RAB11FIP2: variants seen among roughly 807,000 people sequenced by gnomAD.
RAB11FIP2 encodes the protein RAB11 family interacting protein 2.
RAB11FIP2 carries 16 observed loss-of-function variants against 40.9 expected under a neutral mutation model. The ratio of observed to expected loss-of-function variants is 0.39; its 90% CI spans 0.26 to 0.59. The LOEUF is 0.59. Among genes scored for constraint, RAB11FIP2 ranks in the 20% least tolerant of loss-of-function variants. RAB11FIP2 has a pLI of 0.53. For synonymous variants in RAB11FIP2, 228 were observed against 213.7 expected, an observed-to-expected ratio of 1.07 and a Z score of -0.58; for missense variants, 532 against 606.2, an observed-to-expected ratio of 0.88 and a Z score of 1.28.
chr10:118,035,121 G>T (rs1846465181), intron 3 of RAB11FIP2, among the ~76,000 whole-genome samples: 1 of 152,122 alleles, frequency 6.6e-6, no homozygotes, highest in Admixed American at 6.6e-5. Context: ...TGTGTTAAAT[G>T]GTGGCATCAC....
chr10:118,008,879 T>A lies in RAB11FIP2; in HGVS notation c.*119A>T. The A allele has an allele frequency of 1.2e-6, 1 of 801,690 alleles. No individual in the cohort carries two copies. Among genetic ancestry groups the A allele is most frequent in the African/African-American group, 1.7e-5 (1 of 58,238 alleles). 49.7% of individuals were successfully genotyped at this position (801,690 alleles called of 1,614,324 possible). ...TTACAGGTAAAACTACTCTTCACAATAAAGGAGAATATGTAATGAAACCTG... is the reference window on the plus strand; with the variant it reads ...TTACAGGTAAAACTACTCTTCACAAAAAAGGAGAATATGTAATGAAACCTG... On this transcript the variant is annotated 3_prime_UTR_variant, in exon 5 of 5. Transcript: ENST00000355624.
At chr10:118,025,954 T>A (rs938149225) in intron 3 of RAB11FIP2, among the ~76,000 whole-genome samples, 2 of 152,218 alleles carry the variant, frequency 1.3e-5, no homozygotes. Flanking sequence ...GGACAATTAA[T>A]TACACATTCT....
chr10:118,033,878 A>T (rs1317414583), intron 3 of RAB11FIP2: 9 of 681,636 alleles, frequency 1.3e-5, no homozygotes, highest in Non-Finnish European at 2.4e-5. Flanking sequence ...AAATCTCAGT[A>T]ACTTATATCC....
chr10:118,031,078 T>G (rs1846407863), intron 3 of RAB11FIP2, among the ~76,000 whole-genome samples: 1 of 152,144 alleles, frequency 6.6e-6, no homozygotes. Context: ...GTCTCATAAA[T>G]GAAGCCACAA....
intron 3 of RAB11FIP2, chr10:118,017,828 T>A (rs1450880874): frequency 6.6e-6 from 1 of 152,162 alleles, no homozygotes; most frequent in Non-Finnish European, 1.5e-5. Context: ...TTATACTTAT[T>A]GCAATAAGGG....
intron 3 of RAB11FIP2, chr10:118,034,139 T>A: frequency 5.9e-6 from 4 of 674,534 alleles, no homozygotes; most frequent in Non-Finnish European, 1.1e-5. Flanking sequence ...ATGACGATAA[T>A]GCGGCTGTGT....
intron 4 of RAB11FIP2, 65 bp downstream of exon 4, chr10:118,015,000 A>C: frequency 7.2e-7 from 1 of 1,393,238 alleles, no homozygotes; most frequent in Non-Finnish European, 1.0e-6. Context: ...CATTTTTAGA[A>C]ATGTGTGCCA....
chr10:118,013,004 C>T (rs939226010), intron 4 of RAB11FIP2, among the ~76,000 whole-genome samples: 4 of 152,000 alleles, frequency 2.6e-5, no homozygotes, highest in Non-Finnish European at 5.9e-5. Flanking sequence ...TTAAATAATA[C>T]AGTTTTGCAT....
At chr10:118,009,851 C>T (rs1268075431) in intron 4 of RAB11FIP2, among the ~76,000 whole-genome samples, 4 of 152,066 alleles carry the variant, frequency 2.6e-5, no homozygotes, top group Admixed American at 6.6e-5. Context: ...TTTCTTTCTC[C>T]TATAATAATA....
chr10:118,005,591 A>C lies in RAB11FIP2; in HGVS notation c.*3407T>G, dbSNP rs969318018. 2.0e-5 allele frequency: 3 copies of C among 152,238 alleles called. No homozygotes were observed. The highest frequency in any genetic ancestry group is 7.2e-5 in the African/African-American group (3 of 41,440). The allele number at this position is 152,238 out of a possible 1,614,324, so 9.4% of individuals were successfully genotyped here. A position where few individuals can be genotyped will look rare whatever the true frequency, so the allele number is the denominator to read the frequency against. On this transcript the variant is annotated 3_prime_UTR_variant, in exon 5 of 5. Coordinates refer to ENST00000355624, the MANE Select transcript of RAB11FIP2 (RefSeq NM_014904.3). ...CATCATACTTCACTTACACATACAC[A>C]CAAGTGACACCTACCACCTACAAGA... is the stretch of plus-strand genomic sequence containing the variant.
At chr10:118,011,391 G>GCACA (rs58953157) in intron 4 of RAB11FIP2, among the ~76,000 whole-genome samples, 2 of 149,852 alleles carry the variant, frequency 1.3e-5, no homozygotes, top group Non-Finnish European at 3.0e-5. Context: ...ACACACATGC[G>GCACA]CACACACACA....
At chr10:118,014,731 G>A (rs1053965162) in intron 4 of RAB11FIP2, among the ~76,000 whole-genome samples, 2 of 151,864 alleles carry the variant, frequency 1.3e-5, no homozygotes, top group African/African-American at 2.4e-5. Flanking sequence ...TCTTTTCTAC[G>A]TGCTCTTATT....
At position 118,015,122 on chromosome 10, in the gene RAB11FIP2, C is replaced by G. The variant is rs762900975; in HGVS notation, c.1266-12G>C. 13 of 1,598,188 alleles carry G rather than the reference C, an allele frequency of 8.1e-6. No homozygotes were observed. Among genetic ancestry groups the G allele is most frequent in the Non-Finnish European group, 1.1e-5 (13 of 1,170,730 alleles). On this transcript the variant is annotated splice_polypyrimidine_tract_variant and intron_variant, in intron 3 of 4. Coordinates refer to ENST00000355624, the MANE Select transcript of RAB11FIP2 (RefSeq NM_014904.3). ...GACTCATATGAAAACTAATAAAACA[C>G]AAACAAATGTTAAAAGTGTCATAAC... is the stretch of plus-strand genomic sequence containing the variant.
rs1564828971 is a variant in RAB11FIP2, at chr10:118,008,984, T to C, written c.*14A>G. ...TCTCTTTGTCCAATTATCAATACAATACAATTGGCTTTATTAACTGTTAGA... is the reference window on the plus strand; with the variant it reads ...TCTCTTTGTCCAATTATCAATACAACACAATTGGCTTTATTAACTGTTAGA... On this transcript the variant is annotated 3_prime_UTR_variant, in exon 5 of 5. Coordinates refer to ENST00000355624, the MANE Select transcript of RAB11FIP2 (RefSeq NM_014904.3). 2 of 1,565,062 alleles carry C rather than the reference T, an allele frequency of 1.3e-6. No homozygotes were observed. The highest frequency in any genetic ancestry group is 1.1e-5 in the South Asian group (1 of 90,094).
At chr10:118,042,867 T>C (rs1000519562) in intron 1 of RAB11FIP2, among the ~76,000 whole-genome samples, 2 of 152,184 alleles carry the variant, frequency 1.3e-5, no homozygotes, top group Admixed American at 6.5e-5. Context: ...TTTACAAATA[T>C]ACTCATTGAA....
At chr10:118,044,265 C>T (rs1473632113) in intron 1 of RAB11FIP2, among the ~76,000 whole-genome samples, 3 of 152,026 alleles carry the variant, frequency 2.0e-5, no homozygotes, top group Non-Finnish European at 2.9e-5. Flanking sequence ...TCAGAGAAGG[C>T]CTGAAATACA....
chr10:118,018,927 T>C lies in RAB11FIP2; in HGVS notation c.1266-3817A>G, dbSNP rs1589639677. On this transcript the variant is annotated intron_variant, in intron 3 of 4. Transcript: ENST00000355624. ...TTTTTTGTTTTTTTGTTTTTGTTTGTTTCTCTTTCTTAAACATATATATTC... is the reference window on the plus strand; with the variant it reads ...TTTTTTGTTTTTTTGTTTTTGTTTGCTTCTCTTTCTTAAACATATATATTC... Among the ~76,000 whole-genome samples the C allele has an allele frequency of 2.0e-5, 3 of 152,132 alleles. No individual in the cohort carries two copies. The South Asian group carries it at 6.2e-4, about 32-fold the overall frequency.
At position 118,046,193 on chromosome 10, in the gene RAB11FIP2, CT is replaced by C. The variant is rs1241270982; in HGVS notation, c.-31del. The C allele has an allele frequency of 3.2e-6, 5 of 1,584,960 alleles. No individual in the cohort carries two copies. The highest frequency in any genetic ancestry group is 2.6e-6 in the Non-Finnish European group (3 of 1,157,952). The stretch of plus-strand genomic sequence containing the variant: ...TCCTGTTTCTCTGCCCCCGAGTTCC[CT>C]AGCACAGGCAGTGCCCCTCCCGGAG... On this transcript the variant is annotated 5_prime_UTR_variant, in exon 1 of 5. Transcript: ENST00000355624.
In RAB11FIP2 at chr10:118,038,037, TA is replaced by T. The variant is rs148610445; in HGVS notation, c.1265+934del. Among the ~76,000 whole-genome samples, 31 of 152,084 alleles carry T rather than the reference TA, an allele frequency of 2.0e-4. No homozygotes were observed. In the East Asian group the frequency reaches 4.2e-3, roughly 21 times the overall value. On this transcript the variant is annotated intron_variant, in intron 3 of 4. Transcript: ENST00000355624. The stretch of plus-strand genomic sequence containing the variant: ...CATTACTATATTGTTATTTCTTATT[TA>T]TTTTTTTAAATATTTTCACTCCATG...
Sources: allele counts gnomAD v4.1 joint callset (sites outside exome capture counted in the v4.1 genomes callset), GRCh38; gene constraint gnomAD v4.1.1; transcripts MANE v1.5; gene names NCBI Gene and HGNC (gene_info 2026-07-23, HGNC 2026-07-21).